The following THRA variants were observed in gnomAD, a reference collection of about 807,000 sequenced individuals.
THRA encodes the protein thyroid hormone receptor alpha, also known as EAR-7.
A neutral mutation model predicts 45.0 loss-of-function variants in THRA; 13 were observed. The ratio of observed to expected loss-of-function variants is 0.29; its 90% CI spans 0.19 to 0.46. THRA has a LOEUF of 0.46. Ranked by LOEUF, THRA falls within the 20% of genes least tolerant of loss-of-function variation. The pLI is 1.00. For missense variants in THRA, 278 were observed against 556.1 expected, an observed-to-expected ratio of 0.50 and a Z score of 5.03; for synonymous variants, 195 against 214.0, an observed-to-expected ratio of 0.91 and a Z score of 0.78.
chr17:40,088,522 G>A (rs202089693), intron 8 of THRA, 22 bp downstream of exon 8: 12 of 1,591,268 alleles, frequency 7.5e-6, no homozygotes, highest in Non-Finnish European at 1.0e-5. Context: ...TTAGTCGGGA[G>A]GGCTCAGAAG....
In THRA at chr17:40,089,086, C is replaced by G; in HGVS notation, c.983-120C>G. The G allele has an allele frequency of 1.0e-6, 1 of 968,906 alleles. No homozygotes were observed. The highest frequency in any genetic ancestry group is 1.5e-5 in the South Asian group (1 of 64,684). The allele number at this position is 968,906 out of a possible 1,614,324, so 60.0% of individuals were successfully genotyped here. On this transcript the variant is annotated intron_variant, in intron 8 of 8. Transcript: ENST00000450525. The surrounding 1 kb of genome is among the most constrained non-coding windows in gnomAD (Gnocchi z 6.1). ...AGGGGGAGCTTCTCCCCTCCCCTCC[C>G]CCAGCCTCTCTGCCTCTATCTCCCC...
intron 1 of THRA, among the ~76,000 whole-genome samples, chr17:40,070,424 A>G (rs1788032791): frequency 6.6e-6 from 1 of 152,212 alleles, no homozygotes; most frequent in Non-Finnish European, 1.5e-5. Context: ...CCGGTCCTAG[A>G]GAGGCCTCTG....
At chr17:40,074,670 C>G in intron 2 of THRA, 129 bp downstream of exon 2, 1 of 927,108 alleles carries the variant, frequency 1.1e-6, no homozygotes, top group Non-Finnish European at 1.7e-6. Context: ...AGCCTTCTGC[C>G]TACCTTTGTC....
chr17:40,082,960 C>A (rs1488375035), intron 4 of THRA, among the ~76,000 whole-genome samples: 4 of 137,410 alleles, frequency 2.9e-5, no homozygotes, highest in Non-Finnish European at 6.2e-5. Flanking sequence ...CGGAGTCTTG[C>A]TCTGTCACCC....
chr17:40,089,598 A>T lies in THRA; in HGVS notation c.*142A>T, dbSNP rs945792644. On this transcript the variant is annotated 3_prime_UTR_variant, in exon 9 of 9. Transcript: ENST00000450525. This position sits in a 1 kb window ranked among gnomAD's most constrained non-coding sequence, Gnocchi z 6.1. ...GGATAGATTCAGCTCCCACACACACACCCGCACTGCCCAGGTCCCTCCTCA... is the reference window on the plus strand; with the variant it reads ...GGATAGATTCAGCTCCCACACACACTCCCGCACTGCCCAGGTCCCTCCTCA... 6.9e-7 allele frequency: 1 copy of T among 1,449,682 alleles called. No homozygotes were observed. The highest frequency in any genetic ancestry group is 9.0e-7 in the Non-Finnish European group (1 of 1,107,086). The allele number at this position is 1,449,682 out of a possible 1,614,324, so 89.8% of individuals were successfully genotyped here.
chr17:40,092,919 G>T lies in THRA; in HGVS notation c.*3463G>T. 6.7e-7 allele frequency: 1 copy of T among 1,483,178 alleles called. No individual in the cohort carries two copies. Among genetic ancestry groups the T allele is most frequent in the South Asian group, 1.4e-5 (1 of 72,940 alleles). 91.9% of individuals were successfully genotyped at this position (1,483,178 alleles called of 1,614,324 possible). ...AGTTCGGTGATGGGGGAGGGAGGCA[G>T]GTATTTACAAGAAGGCTCAGGGGGC... On this transcript the variant is annotated 3_prime_UTR_variant, in exon 9 of 9. Transcript: ENST00000450525.
At chr17:40,077,373 C>T (rs1266545404) in intron 3 of THRA, 135 bp from the exon 4 acceptor site, 4 of 707,166 alleles carry the variant, frequency 5.7e-6, no homozygotes, top group East Asian at 2.6e-5. Flanking sequence ...TCGTGTCTCT[C>T]TAGGATTCTA....
At chr17:40,069,196 A>C (rs1194607914) in intron 1 of THRA, among the ~76,000 whole-genome samples, 2 of 126,004 alleles carry the variant, frequency 1.6e-5, no homozygotes, top group African/African-American at 3.0e-5. Context: ...TCTCTCTCTC[A>C]CACACACACT....
intron 1 of THRA, among the ~76,000 whole-genome samples, chr17:40,066,732 C>T (rs1235451694): frequency 1.3e-5 from 2 of 150,780 alleles, no homozygotes; most frequent in African/African-American, 4.9e-5. Context: ...GGTGATATAC[C>T]ATCACAGCTA....
chr17:40,082,758 C>CCTTTTTTTTTTT (rs1389256940), intron 4 of THRA, among the ~76,000 whole-genome samples: 1 of 67,516 alleles, frequency 1.5e-5, no homozygotes. Context: ...GAATCGCATG[C>CCTTTTTTTTTTT]TTTTTTTTTT....
At position 40,092,787 on chromosome 17, in the gene THRA, G is replaced by A. The variant is rs1262417259; in HGVS notation, c.*3331G>A. 2 of 542,190 alleles carry A rather than the reference G, an allele frequency of 3.7e-6. No homozygotes were observed. The highest frequency in any genetic ancestry group is 6.0e-6 in the Non-Finnish European group (2 of 331,066). The allele number at this position is 542,190 out of a possible 1,614,324, so 33.6% of individuals were successfully genotyped here. On this transcript the variant is annotated 3_prime_UTR_variant, in exon 9 of 9. Transcript: ENST00000450525. ...CCCCAAACGAGCACACACCACAGAA[G>A]CCAGCTCAGCTGTGAACTATTGGAT...
intron 4 of THRA, among the ~76,000 whole-genome samples, chr17:40,082,798 A>G (rs1987190351): frequency 9.3e-6 from 1 of 107,774 alleles, no homozygotes; most frequent in African/African-American, 3.8e-5. Context: ...ATGGAGTCTC[A>G]TTCTGTCACC....
chr17:40,083,771 A>C (rs919734251), intron 4 of THRA, 64 bp from the exon 5 acceptor site: 4 of 1,525,102 alleles, frequency 2.6e-6, no homozygotes, highest in South Asian at 1.3e-5. Flanking sequence ...AGTAAACTGC[A>C]TGGTTGGTTC....
At chr17:40,086,091 A>C (rs549815658) in intron 6 of THRA, among the ~76,000 whole-genome samples, 2 of 152,352 alleles carry the variant, frequency 1.3e-5, no homozygotes, top group Middle Eastern at 6.8e-3. Context: ...CAGCCCAGGC[A>C]ACAGAGCAAG....
intron 6 of THRA, among the ~76,000 whole-genome samples, chr17:40,085,377 A>G (rs1987285753): frequency 6.6e-6 from 1 of 151,518 alleles, no homozygotes; most frequent in South Asian, 2.1e-4. Context: ...ACTCTCACCC[A>G]GGCTAGAGTG....
At position 40,088,400 on chromosome 17, in the gene THRA, A is replaced by G; in HGVS notation, c.882A>G (p.Val294=). Residue 294 remains valine (V), a synonymous_variant, in exon 8 of 9, where the codon GTA becomes GTG. Coordinates refer to ENST00000450525, the MANE Select transcript of THRA (RefSeq NM_199334.5). ...AGCTCAAGAATGGCGGCCTGGGCGT[A>G]GTCTCCGACGCCATCTTTGAACTGG... is the stretch of plus-strand genomic sequence containing the variant. ...REQLKNGGLG[V]VSDAIFELGK... 1 of 1,614,130 alleles carries G rather than the reference A, an allele frequency of 6.2e-7. No homozygotes were observed. The highest frequency in any genetic ancestry group is 8.5e-7 in the Non-Finnish European group (1 of 1,180,002).
chr17:40,062,793 C>CG (rs1986399874), upstream of THRA: 2 of 2,048 alleles, frequency 9.8e-4, no homozygotes, highest in Non-Finnish European at 2.0e-3. Flanking sequence ...GGGCGGGGGG[C>CG]GGGGGCGGGC....
chr17:40,089,734 G>A lies in THRA; in HGVS notation c.*278G>A. The A allele has an allele frequency of 6.2e-6, 8 of 1,298,920 alleles. No individual in the cohort carries two copies. In the South Asian group the frequency reaches 6.8e-5, roughly 11 times the overall value. 80.5% of individuals were successfully genotyped at this position (1,298,920 alleles called of 1,614,324 possible). A position where few individuals can be genotyped will look rare whatever the true frequency, so the allele number is the denominator to read the frequency against. On this transcript the variant is annotated 3_prime_UTR_variant, in exon 9 of 9. Coordinates refer to ENST00000450525, the MANE Select transcript of THRA (RefSeq NM_199334.5). This position sits in a 1 kb window ranked among gnomAD's most constrained non-coding sequence, Gnocchi z 6.1. Reference sequence around the variant, plus strand: ...TCCCAGGACCCCATCCTCTCAGAAGGTAGGGGAAGGGCGGGAGGATTGAGA... The same window carrying A: ...TCCCAGGACCCCATCCTCTCAGAAGATAGGGGAAGGGCGGGAGGATTGAGA...
At chr17:40,065,542 C>G (rs1000494981) in intron 1 of THRA, among the ~76,000 whole-genome samples, 3 of 152,146 alleles carry the variant, frequency 2.0e-5, no homozygotes, top group Admixed American at 6.5e-5. Flanking sequence ...TGTTGCTACC[C>G]CCGATCTACC....
Sources: gnomAD v4.1 joint callset for allele counts (sites outside exome capture counted in the v4.1 genomes callset) on GRCh38, gnomAD v4.1.1 for gene constraint, Gnocchi (gnomAD v3.1) non-coding constraint, MANE v1.5 for transcripts, NCBI Gene and HGNC (gene_info 2026-07-23, HGNC 2026-07-21) for gene names.